The following ZC3H12B variants were observed in gnomAD, a reference collection of about 807,000 sequenced individuals.
ZC3H12B encodes zinc finger CCCH-type containing 12B, also known as probable ribonuclease ZC3H12B.
ZC3H12B carries 7 observed loss-of-function variants against 43.9 expected under a neutral mutation model. The observed-to-expected ratio is 0.16, with a 90% CI of 0.09 to 0.30. The LOEUF (loss-of-function observed/expected upper bound fraction) is 0.30. Among genes scored for constraint, ZC3H12B ranks in the 10% least tolerant of loss-of-function variants. ZC3H12B has a pLI of 1.00. For synonymous variants in ZC3H12B, 222 were observed against 241.7 expected, an observed-to-expected ratio of 0.92 and a Z score of 0.76; for missense variants, 475 against 670.2, an observed-to-expected ratio of 0.71 and a Z score of 3.22.
chrX:65,126,535 C>A, the ZC3H12B span, among the ~76,000 whole-genome samples: 1 of 111,372 alleles, frequency 9.0e-6, no homozygotes, highest in African/African-American at 3.3e-5. Context: ...GTCTAGATCT[C>A]TAGCAAGGAT....
At chrX:65,062,902 A>G in the ZC3H12B span, among the ~76,000 whole-genome samples, 1 of 110,997 alleles carries the variant, frequency 9.0e-6, no homozygotes, top group African/African-American at 3.3e-5. Context: ...ATTCCTAGGT[A>G]TTTTATTCTC....
chrX:65,334,169 C>G, the ZC3H12B span, among the ~76,000 whole-genome samples: 18 of 112,111 alleles, frequency 1.6e-4, no homozygotes, highest in Admixed American at 5.7e-4. Context: ...TTTTATAACC[C>G]TTTACAATTT....
intron 3 of ZC3H12B, among the ~76,000 whole-genome samples, chrX:65,452,723 C>A (rs1476188895): frequency 9.1e-6 from 1 of 110,300 alleles, no homozygotes; most frequent in Non-Finnish European, 1.9e-5. Flanking sequence ...TGCCTGTAAT[C>A]CCAGCTGCTC....
chrX:65,327,087 T>TA, the ZC3H12B span, among the ~76,000 whole-genome samples: 4 of 111,139 alleles, frequency 3.6e-5, no homozygotes, highest in Non-Finnish European at 7.6e-5. Context: ...AAGCTAAAAA[T>TA]AAAATTACTA....
intron 1 of ZC3H12B, 125 bp from the exon 7 acceptor site, chrX:65,497,007 G>T: frequency 4.0e-6 from 2 of 494,350 alleles, no homozygotes; most frequent in Non-Finnish European, 6.1e-6. Context: ...GAAAGAAAGA[G>T]AGAAAGAAAG....
intron 1 of ZC3H12B, among the ~76,000 whole-genome samples, chrX:65,491,712 A>T (rs1043539117): frequency 1.9e-4 from 17 of 87,277 alleles, no homozygotes; most frequent in Middle Eastern, 4.9e-3. Flanking sequence ...ATTTAAAAAA[A>T]AAATATATAT....
the ZC3H12B span, among the ~76,000 whole-genome samples, chrX:65,318,814 C>A: frequency 9.0e-6 from 1 of 110,750 alleles, no homozygotes; most frequent in Non-Finnish European, 1.9e-5. Context: ...ATAACCTACT[C>A]TTGAGTGACT....
chrX:65,232,394 G>A, the ZC3H12B span, among the ~76,000 whole-genome samples: 6 of 111,240 alleles, frequency 5.4e-5, no homozygotes, highest in East Asian at 2.8e-4. Flanking sequence ...CTGACTTCCC[G>A]CAACATGCAA....
At chrX:65,178,531 A>G in the ZC3H12B span, among the ~76,000 whole-genome samples, 7 of 112,557 alleles carry the variant, frequency 6.2e-5, no homozygotes, top group Non-Finnish European at 1.3e-4. Flanking sequence ...AAGGGCTAAT[A>G]TCCAGAATCT....
At chrX:65,124,516 G>C in the ZC3H12B span, among the ~76,000 whole-genome samples, 133 of 110,439 alleles carry the variant, frequency 1.2e-3, no homozygotes, top group African/African-American at 4.2e-3. Flanking sequence ...ATTTAGGGAG[G>C]ATTCCCTCTT....
At chrX:65,069,300 C>T in the ZC3H12B span, among the ~76,000 whole-genome samples, 7 of 104,414 alleles carry the variant, frequency 6.7e-5, no homozygotes, top group South Asian at 1.8e-3. Flanking sequence ...ATCTCGTAGG[C>T]GTGCTTCATC....
the ZC3H12B span, among the ~76,000 whole-genome samples, chrX:65,360,979 AT>A: frequency 8.9e-6 from 1 of 112,056 alleles, no homozygotes; most frequent in Admixed American, 9.4e-5. Context: ...TCCCTTTTTT[AT>A]ATGTTGGTTC....
At chrX:65,169,513 G>C in the ZC3H12B span, among the ~76,000 whole-genome samples, 1 of 112,046 alleles carries the variant, frequency 8.9e-6, no homozygotes, top group Non-Finnish European at 1.9e-5. Flanking sequence ...ATATTCTGTT[G>C]ATTTGGGGTG....
chrX:65,408,338 A>G (rs2066861699), intron 3 of ZC3H12B: 1 of 1,203,198 alleles, frequency 8.3e-7, no homozygotes. Context: ...CAAGAGATTG[A>G]ATACGATTTG....
the ZC3H12B span, among the ~76,000 whole-genome samples, chrX:65,231,196 A>C: frequency 2.7e-5 from 3 of 111,125 alleles, no homozygotes; most frequent in Non-Finnish European, 5.7e-5. Context: ...TAGGGATTTC[A>C]AAAGGGGAGG....
At chrX:65,054,427 G>A in the ZC3H12B span, among the ~76,000 whole-genome samples, 1 of 111,167 alleles carries the variant, frequency 9.0e-6, no homozygotes, top group African/African-American at 3.3e-5. Flanking sequence ...GTAGATATGT[G>A]GCATTATTTC....
the ZC3H12B span, among the ~76,000 whole-genome samples, chrX:65,189,884 C>T: frequency 9.2e-6 from 1 of 108,790 alleles, no homozygotes; most frequent in Admixed American, 9.7e-5. Context: ...TGCCTATGTC[C>T]TGAATGGTAA....
chrX:65,193,473 TG>T, the ZC3H12B span, among the ~76,000 whole-genome samples: 21 of 111,748 alleles, frequency 1.9e-4, no homozygotes, highest in African/African-American at 6.8e-4. Flanking sequence ...TCTGAAGTAT[TG>T]GTTGTAATGT....
At chrX:65,158,656 T>A in the ZC3H12B span, among the ~76,000 whole-genome samples, 1 of 111,796 alleles carries the variant, frequency 8.9e-6, no homozygotes, top group Admixed American at 9.5e-5. Context: ...GAGTTCATTG[T>A]AGATTCTGGA....
Sources: gnomAD v4.1 joint callset for allele counts (sites outside exome capture counted in the v4.1 genomes callset) on GRCh38, gnomAD v4.1.1 for gene constraint, MANE v1.5 for transcripts, NCBI Gene and HGNC (gene_info 2026-07-23, HGNC 2026-07-21) for gene names.